Variants in AP3S2 observed in about 807,000 individuals in gnomAD.
AP3S2 encodes adaptor related protein complex 3 subunit sigma 2.
A neutral mutation model predicts 23.4 loss-of-function variants in AP3S2; 22 were observed. That is an observed-to-expected ratio of 0.94 (90% CI 0.67 to 1.34). The LOEUF is 1.34. AP3S2 is among the 40% of genes most tolerant of loss of function. The probability of loss-of-function intolerance (pLI) is 0.00; values close to 1 mark genes in which losing one functional copy is unlikely to be tolerated. For missense variants in AP3S2, 241 were observed against 236.9 expected (o/e 1.02, Z -0.11); for synonymous variants, 86 against 87.1 (o/e 0.99, Z 0.07).
intron 4 of AP3S2, among the ~76,000 whole-genome samples, chr15:89,858,493 A>AG (rs1596200467): frequency 0.01 from 617 of 59,850 alleles, 5 homozygotes; most frequent in Non-Finnish European, 0.015. Flanking sequence ...GAAAGAAAGA[A>AG]AGAGAGAGAG....
intron 3 of AP3S2, chr15:89,876,876 G>A: frequency 5.8e-6 from 1 of 172,772 alleles, no homozygotes; most frequent in East Asian, 1.6e-4. Flanking sequence ...AGGAATGCCA[G>A]TAACTCAGAT....
In AP3S2 at chr15:89,888,605, C is replaced by T. The variant is rs150978641; in HGVS notation, c.189G>A (p.Leu63=). 42 of 1,614,162 alleles carry T rather than the reference C, an allele frequency of 2.6e-5. No homozygotes were observed. In the African/African-American group the frequency reaches 5.5e-4, roughly 21 times the overall value. ...GSLIGGSDYK[L]IYRHYATLYF... is the part of the protein sequence containing the mutation. Reference sequence around the variant, plus strand: ...AGAGGGTAGCATAGTGCCGGTAGATCAGTTTGTAGTCAGAGCCACCAATCA... The same window carrying T: ...AGAGGGTAGCATAGTGCCGGTAGATTAGTTTGTAGTCAGAGCCACCAATCA... The change falls in exon 3 of 6, where the codon CTG becomes CTA. Residue 63 remains leucine (L), a synonymous_variant. Transcript: ENST00000336418.
intron 4 of AP3S2, among the ~76,000 whole-genome samples, chr15:89,843,292 C>G (rs1895378340): frequency 6.6e-6 from 1 of 150,640 alleles, no homozygotes; most frequent in East Asian, 2.0e-4. Flanking sequence ...CCAAGTATTT[C>G]TTAAGGAATC....
In AP3S2 at chr15:89,889,105, A is replaced by G; in HGVS notation, c.105T>C (p.Thr35=). The G allele has an allele frequency of 1.2e-6, 2 of 1,614,210 alleles. No individual in the cohort carries two copies. Among genetic ancestry groups the G allele is most frequent in the Non-Finnish European group, 1.7e-6 (2 of 1,180,034 alleles). ...EEIQQQIVRE[T]FHLVLKRDDN... Reference sequence around the variant, plus strand: ...CATCCCGCTTGAGGACTAGATGGAAAGTCTCTCGAACAATCTGCTGTTGAA... The same window carrying G: ...CATCCCGCTTGAGGACTAGATGGAAGGTCTCTCGAACAATCTGCTGTTGAA... The change falls in exon 2 of 6, where the codon ACT becomes ACC. Residue 35 remains threonine (T), a synonymous_variant. Transcript: ENST00000336418.
rs140842385 is a variant in AP3S2, at chr15:89,835,662, C to T, written c.454-19G>A. ...GGCCACCCTAAGAAGAAATGAGAGGCGAGTATGAGACAAATTCTCACTGTT... is the reference window on the plus strand; with the variant it reads ...GGCCACCCTAAGAAGAAATGAGAGGTGAGTATGAGACAAATTCTCACTGTT... On this transcript the variant is annotated intron_variant, in intron 5 of 5. Coordinates refer to ENST00000336418, the MANE Select transcript of AP3S2 (RefSeq NM_005829.5). 1,008 of 1,538,548 alleles carry T rather than the reference C, an allele frequency of 6.6e-4. 8 individuals carry two copies. In the African/African-American group the frequency reaches 9.9e-3, roughly 15 times the overall value.
At chr15:89,845,946 C>A (rs1449547744) in intron 4 of AP3S2, among the ~76,000 whole-genome samples, 1 of 152,162 alleles carries the variant, frequency 6.6e-6, no homozygotes, top group Non-Finnish European at 1.5e-5. Flanking sequence ...ACTGATTTTT[C>A]AGTACTTGGC....
At chr15:89,859,498 A>G (rs528156889) in intron 4 of AP3S2, among the ~76,000 whole-genome samples, 107 of 148,712 alleles carry the variant, frequency 7.2e-4, no homozygotes, top group African/African-American at 2.2e-3. Flanking sequence ...GGTTCAAGCA[A>G]TTCTCCTGCC....
intron 4 of AP3S2, among the ~76,000 whole-genome samples, chr15:89,861,877 G>C (rs1029843156): frequency 3.3e-5 from 5 of 152,198 alleles, no homozygotes; most frequent in African/African-American, 1.2e-4. Context: ...TAGACCATGA[G>C]GGCAAGCTTT....
At position 89,893,983 on chromosome 15, in the gene AP3S2, C is replaced by T. The variant is rs773364117; in HGVS notation, c.-34G>A. 1.9e-6 allele frequency: 3 copies of T among 1,546,968 alleles called. No individual in the cohort carries two copies. The highest frequency in any genetic ancestry group is 2.6e-6 in the Non-Finnish European group (3 of 1,144,406). On this transcript the variant is annotated 5_prime_UTR_variant, in exon 1 of 6. Coordinates refer to ENST00000336418, the MANE Select transcript of AP3S2 (RefSeq NM_005829.5). ...GCCACGGTTCTCTCAGCACCGGCTA[C>T]TCCCAGAAAGCTCCTCCTTCCGCCA...
chr15:89,871,806 C>T lies in AP3S2; in HGVS notation c.274-260G>A, dbSNP rs1169903629. ...AGCAGACACATGTGGCTCTTTCCCC[C>T]TTTATAAGATGCTAATTTATGGTAG... On this transcript the variant is annotated intron_variant, in intron 3 of 5. Coordinates refer to ENST00000336418, the MANE Select transcript of AP3S2 (RefSeq NM_005829.5). Among the ~76,000 whole-genome samples the T allele has an allele frequency of 2.0e-5, 3 of 152,082 alleles. No homozygotes were observed. The East Asian group carries it at 5.8e-4, about 29-fold the overall frequency.
At chr15:89,859,273 CTT>C (rs1895944740) in intron 4 of AP3S2, among the ~76,000 whole-genome samples, 2 of 143,630 alleles carry the variant, frequency 1.4e-5, no homozygotes, top group African/African-American at 2.6e-5. Context: ...TTTTTCTTTT[CTT>C]TCTTTCCTTT....
At chr15:89,855,336 G>A (rs1205937199) in intron 4 of AP3S2, among the ~76,000 whole-genome samples, 3 of 105,618 alleles carry the variant, frequency 2.8e-5, no homozygotes, top group Admixed American at 1.1e-4. Flanking sequence ...CAGCATGCGC[G>A]TTAAGAGTCA....
chr15:89,888,543 A>G lies in AP3S2; in HGVS notation c.251T>C (p.Leu84Pro). ...TACCTGGATGAGGTCCAAGATTCCAAGTTCACTCTCTGAGGAATCCACACA... is the reference window on the plus strand; with the variant it reads ...TACCTGGATGAGGTCCAAGATTCCAGGTTCACTCTCTGAGGAATCCACACA... ...VFCVDSSESE[L>P]GILDLIQVFV... is the part of the protein sequence containing the mutation. The change falls in exon 3 of 6, where the codon CTT becomes CCT. Residue 84 changes from leucine (L) to proline (P), a missense_variant. Coordinates refer to ENST00000336418, the MANE Select transcript of AP3S2 (RefSeq NM_005829.5). 6.2e-7 allele frequency: 1 copy of G among 1,614,216 alleles called. No individual in the cohort carries two copies. Among genetic ancestry groups the G allele is most frequent in the South Asian group, 1.1e-5 (1 of 91,082 alleles).
At position 89,893,921 on chromosome 15, in the gene AP3S2, T is replaced by C. The variant is rs973812980; in HGVS notation, c.29A>G (p.Asn10Ser). Residue 10 changes from asparagine (N) to serine (S), a missense_variant, in exon 1 of 6, where the codon AAC becomes AGC. Asn to Ser is a conservative substitution (Grantham distance 46). Transcript: ENST00000336418. ...GCGGACTAGCCGTGGCTTCCCATGG[T>C]TGTTGAAAACCAGAATCGCCTGAAT... MIQAILVFNNHGKPRLVRFY... is the reference protein window; with the variant it reads MIQAILVFNSHGKPRLVRFY... The C allele has an allele frequency of 3.2e-6, 5 of 1,551,522 alleles. No individual in the cohort carries two copies. In the African/African-American group the frequency reaches 5.5e-5, roughly 17 times the overall value.
intron 3 of AP3S2, among the ~76,000 whole-genome samples, chr15:89,873,435 C>T (rs1040872761): frequency 3.3e-5 from 5 of 152,038 alleles, no homozygotes; most frequent in Admixed American, 2.0e-4. Flanking sequence ...CAGGCATGCA[C>T]CACCACGCCT....
chr15:89,863,274 G>A (rs1433938851), intron 4 of AP3S2, among the ~76,000 whole-genome samples: 1 of 152,168 alleles, frequency 6.6e-6, no homozygotes, highest in Non-Finnish European at 1.5e-5. Context: ...ATTAAAGACT[G>A]GGCGTAAATC....
chr15:89,853,236 G>C (rs1056543532), intron 4 of AP3S2, among the ~76,000 whole-genome samples: 8 of 151,994 alleles, frequency 5.3e-5, no homozygotes, highest in Non-Finnish European at 1.0e-4. Flanking sequence ...ATAGTCTTAA[G>C]GCACAATATA....
intron 4 of AP3S2, among the ~76,000 whole-genome samples, chr15:89,857,104 C>A (rs61008105): frequency 3.9e-5 from 6 of 151,984 alleles, no homozygotes; most frequent in Non-Finnish European, 8.8e-5. Context: ...ACTACAATAC[C>A]GAAGTTTAGA....
At chr15:89,862,100 G>A (rs1477551693) in intron 4 of AP3S2, among the ~76,000 whole-genome samples, 1 of 152,178 alleles carries the variant, frequency 6.6e-6, no homozygotes, top group Non-Finnish European at 1.5e-5. Context: ...CGGCCAAGGA[G>A]TCAAGGCTAG....
Sources: gnomAD v4.1 joint callset for allele counts (sites outside exome capture counted in the v4.1 genomes callset) on GRCh38, gnomAD v4.1.1 for gene constraint, MANE v1.5 for transcripts, NCBI Gene and HGNC (gene_info 2026-07-23, HGNC 2026-07-21) for gene names.